The following FBN1 variants were observed in gnomAD, a reference collection of about 807,000 sequenced individuals.
FBN1 encodes the protein fibrillin-1.
In FBN1, 29 loss-of-function variants were observed where a neutral mutation model predicts 365.1. That is an observed-to-expected ratio of 0.08 (90% CI 0.06 to 0.11). The LOEUF (loss-of-function observed/expected upper bound fraction) is 0.11. Among genes scored for constraint, FBN1 ranks in the 10% least tolerant of loss-of-function variants. FBN1 has a pLI of 1.00. For missense variants in FBN1, 2,476 were observed against 3,703.2 expected (o/e 0.67, Z 8.60); for synonymous variants, 1,210 against 1,270.5 (o/e 0.95, Z 1.01).
rs1207479679 is a variant in FBN1, at chr15:48,432,914, T to G, written c.6691A>C (p.Lys2231Gln). 1.2e-6 allele frequency: 2 copies of G among 1,613,744 alleles called. No homozygotes were observed. The highest frequency in any genetic ancestry group is 1.7e-6 in the Non-Finnish European group (2 of 1,179,704). Reference protein sequence around the residue: ...CVNTYGSYECKCPVGYVLRED... With the variant: ...CVNTYGSYECQCPVGYVLRED... ...CTGAGCACATATCCCACGGGACATT[T>G]GCATTCATATGACCCATAAGTGTTC... The change falls in exon 55 of 66, where the codon AAA becomes CAA. Residue 2231 changes from lysine (K) to glutamine (Q), a missense_variant. By Grantham distance (53) the Lys-to-Gln change is moderately conservative. This residue lies in a region of FBN1 where 1,780 missense variants were observed against 2,840.8 expected (regional missense o/e 0.63). Transcript: ENST00000316623.
chr15:48,452,133 A>G (rs1311830298), intron 45 of FBN1, among the ~76,000 whole-genome samples: 1 of 152,184 alleles, frequency 6.6e-6, no homozygotes, highest in African/African-American at 2.4e-5. Flanking sequence ...CACTGTCTAG[A>G]TTTGGGGTAT....
At chr15:48,522,278 A>T (rs1357121264) in intron 9 of FBN1, among the ~76,000 whole-genome samples, 1 of 152,066 alleles carries the variant, frequency 6.6e-6, no homozygotes, top group African/African-American at 2.4e-5. Context: ...GTATTAATTA[A>T]TTTAATACAC....
Position 48,485,362 on chromosome 15 carries a change from G to C in FBN1, c.3712+12C>G. On this transcript the variant is annotated intron_variant, in intron 30 of 65. Coordinates refer to ENST00000316623, the MANE Select transcript of FBN1 (RefSeq NM_000138.5). ...TACTGAGAGATTCAACATGAGGCTA[G>C]AACCTACTCACCGGTGCATGATCTC... is the stretch of plus-strand genomic sequence containing the variant. The C allele has an allele frequency of 6.2e-7, 1 of 1,614,150 alleles. No homozygotes were observed. The highest frequency in any genetic ancestry group is 1.3e-5 in the African/African-American group (1 of 75,036).
intron 37 of FBN1, 133 bp from the exon 38 acceptor site, chr15:48,468,235 A>G: frequency 2.2e-6 from 3 of 1,346,936 alleles, no homozygotes; most frequent in Non-Finnish European, 3.1e-6. Flanking sequence ...GCCCATGAAC[A>G]TTATACACTA....
chr15:48,489,952 T>A lies in FBN1; in HGVS notation c.2981A>T (p.Glu994Val). The stretch of plus-strand genomic sequence containing the variant: ...AGGAGTATTTCTCATGGGACACTCC[T>A]CGCATTCCTCAGTACCCCAGGCTGC... ...VGAAWGTEECEECPMRNTPEY... is the reference protein window; with the variant it reads ...VGAAWGTEECVECPMRNTPEY... Residue 994 changes from glutamate to valine, a missense_variant, in exon 25 of 66, where the codon GAG becomes GTG. This residue lies in a region of FBN1 where 1,780 missense variants were observed against 2,840.8 expected (regional missense o/e 0.63). Coordinates refer to ENST00000316623, the MANE Select transcript of FBN1 (RefSeq NM_000138.5). 1 of 1,614,164 alleles carries A rather than the reference T, an allele frequency of 6.2e-7. No homozygotes were observed.
chr15:48,574,387 T>A (rs532393596), intron 6 of FBN1, among the ~76,000 whole-genome samples: 1 of 152,184 alleles, frequency 6.6e-6, no homozygotes, highest in Non-Finnish European at 1.5e-5. Flanking sequence ...AAACATATAC[T>A]GTAGATTGTG....
Position 48,433,008 on chromosome 15 carries a change from GT to G in FBN1, c.6617-21del, listed in dbSNP as rs774833893. On this transcript the variant is annotated intron_variant, in intron 54 of 65. Transcript: ENST00000316623. ...TTATATCTGCAGCAGAGGAGAGTAA[GT>G]AAATAAGGGATCATGGACAGCAACA... 6.2e-7 allele frequency: 1 copy of G among 1,612,630 alleles called. No individual in the cohort carries two copies. Among genetic ancestry groups the G allele is most frequent in the Non-Finnish European group, 8.5e-7 (1 of 1,179,224 alleles).
chr15:48,471,053 G>A (rs2043371167), intron 35 of FBN1, among the ~76,000 whole-genome samples: 1 of 151,978 alleles, frequency 6.6e-6, no homozygotes, highest in Non-Finnish European at 1.5e-5. Flanking sequence ...TAAAGTAAGA[G>A]GCAAGCAAGC....
chr15:48,561,855 G>A (rs753741695), intron 6 of FBN1, among the ~76,000 whole-genome samples: 20 of 152,144 alleles, frequency 1.3e-4, no homozygotes, highest in Non-Finnish European at 2.9e-4. Flanking sequence ...CAAGCATTCT[G>A]GAAGAACTAT....
intron 2 of FBN1, among the ~76,000 whole-genome samples, chr15:48,639,182 T>C (rs1273427818): frequency 6.6e-6 from 1 of 152,186 alleles, no homozygotes. Context: ...CTAAAATTAA[T>C]GGAGAAAGAA....
chr15:48,496,076 T>A, intron 20 of FBN1, 24 bp downstream of exon 20: 1 of 1,613,482 alleles, frequency 6.2e-7, no homozygotes, highest in Non-Finnish European at 8.5e-7. Flanking sequence ...AAGTACACAG[T>A]ATAAGAACAA....
rs756179079 is a variant in FBN1, at chr15:48,489,200, A to ATTTTTT, written c.3082+645_3082+650dup. ...CAGGTGTGCACCACCATGCCTAGAT[A>ATTTTTT]TTTTTTTTTTTTTTTTTTTTTTTTT... On this transcript the variant is annotated intron_variant, in intron 25 of 65. Coordinates refer to ENST00000316623, the MANE Select transcript of FBN1 (RefSeq NM_000138.5). Among the ~76,000 whole-genome samples, 19 of 48,452 alleles carry ATTTTTT rather than the reference A, an allele frequency of 3.9e-4. 2 individuals carry two copies. Among genetic ancestry groups the ATTTTTT allele is most frequent in the African/African-American group, 1.4e-3 (17 of 12,116 alleles). 31.8% of individuals were successfully genotyped at this position (48,452 alleles called of 152,430 possible).
intron 6 of FBN1, among the ~76,000 whole-genome samples, chr15:48,566,364 A>G (rs2044258769): frequency 6.6e-6 from 1 of 152,246 alleles, no homozygotes; most frequent in Non-Finnish European, 1.5e-5. Flanking sequence ...CTTGAATTTC[A>G]TAATATAAAC....
chr15:48,495,190 G>C lies in FBN1; in HGVS notation c.2610C>G (p.Thr870=). The C allele has an allele frequency of 6.2e-7, 1 of 1,614,184 alleles. No homozygotes were observed. The highest frequency in any genetic ancestry group is 8.5e-7 in the Non-Finnish European group (1 of 1,180,038). The change falls in exon 22 of 66, where the codon ACC becomes ACG. Residue 870 remains threonine (T), a synonymous_variant. Coordinates refer to ENST00000316623, the MANE Select transcript of FBN1 (RefSeq NM_000138.5). ...GGGAGGAGCAGCACTGGGACTTTAAGGTGGCTCCATTGATGTTGATCTCAC... is the reference window on the plus strand; with the variant it reads ...GGGAGGAGCAGCACTGGGACTTTAACGTGGCTCCATTGATGTTGATCTCAC... The part of the protein sequence containing the change: ...GRCEININGA[T]LKSQCCSSLG...
chr15:48,506,611 G>C (rs958931075), intron 15 of FBN1, among the ~76,000 whole-genome samples: 3 of 152,214 alleles, frequency 2.0e-5, no homozygotes, highest in African/African-American at 7.2e-5. Context: ...GTCAAAGTTA[G>C]TGGCTTCAAC....
chr15:48,461,639 T>C (rs1183750106), intron 42 of FBN1, among the ~76,000 whole-genome samples: 6 of 152,240 alleles, frequency 3.9e-5, no homozygotes, highest in African/African-American at 1.4e-4. Context: ...TACCAACAGG[T>C]AAGTACCACC....
In FBN1 at chr15:48,437,874, C is replaced by T. The variant is rs1021415072; in HGVS notation, c.6207G>A (p.Lys2069=). 5 of 1,613,868 alleles carry T rather than the reference C, an allele frequency of 3.1e-6. No individual in the cohort carries two copies. Among genetic ancestry groups the T allele is most frequent in the African/African-American group, 1.3e-5 (1 of 75,020 alleles). ...SYCYAKFEGG[K]CSSPKSRNHS... is the part of the protein sequence containing the mutation. ...GATTTCTGGATTTGGGTGATGAACA[C>T]TTTCCTCCTTCAAACTTCGCATAAC... Residue 2069 remains lysine, a synonymous_variant, in exon 51 of 66, where the codon AAG becomes AAA. Transcript: ENST00000316623.
intron 6 of FBN1, among the ~76,000 whole-genome samples, chr15:48,556,113 C>T (rs2044178235): frequency 1.3e-5 from 2 of 151,996 alleles, no homozygotes; most frequent in African/African-American, 4.8e-5. Context: ...AATTTTTTAC[C>T]CTCATAGATC....
At chr15:48,621,822 A>G (rs1266960537) in intron 2 of FBN1, among the ~76,000 whole-genome samples, 4 of 150,848 alleles carry the variant, frequency 2.7e-5, no homozygotes, top group African/African-American at 9.8e-5. Flanking sequence ...CCCCGTCTCT[A>G]CTAAAAATAC....
Sources: allele counts gnomAD v4.1 joint callset (sites outside exome capture counted in the v4.1 genomes callset), GRCh38; gene constraint gnomAD v4.1.1; regional missense constraint gnomAD v4.1.1; transcripts MANE v1.5; gene names NCBI Gene and HGNC (gene_info 2026-07-23, HGNC 2026-07-21).